Variants in GCC2 observed in about 807,000 individuals in gnomAD.
The protein encoded by GCC2 is GRIP and coiled-coil domain-containing protein 2.
In GCC2, 120 loss-of-function variants were observed where a neutral mutation model predicts 210.6. The ratio of observed to expected loss-of-function variants is 0.57; its 90% CI spans 0.49 to 0.66. The LOEUF is 0.66. Among genes scored for constraint, GCC2 ranks in the 30% least tolerant of loss-of-function variants. The probability of loss-of-function intolerance (pLI) is 0.00; values close to 1 mark genes in which losing one functional copy is unlikely to be tolerated. For synonymous variants in GCC2, 703 were observed against 652.7 expected, an observed-to-expected ratio of 1.08 and a Z score of -1.17; for missense variants, 1,868 against 1,871.9, an observed-to-expected ratio of 1.00 and a Z score of 0.04.
At chr2:108,465,022 G>C (rs992410506) in intron 4 of GCC2, among the ~76,000 whole-genome samples, 1 of 152,174 alleles carries the variant, frequency 6.6e-6, no homozygotes. Context: ...CTCAGAGTGA[G>C]AGCTCACTTT....
chr2:108,482,787 C>CT (rs1258272122), intron 11 of GCC2, among the ~76,000 whole-genome samples: 1 of 152,112 alleles, frequency 6.6e-6, no homozygotes, highest in Non-Finnish European at 1.5e-5. Flanking sequence ...TGCCATTCTC[C>CT]TGCCTCAGCC....
chr2:108,449,391 G>C, intron 1 of GCC2, 111 bp downstream of exon 1: 1 of 1,468,460 alleles, frequency 6.8e-7, no homozygotes, highest in Non-Finnish European at 9.1e-7. Context: ...GTGTCCCGAA[G>C]CCCGCGCTGC....
chr2:108,479,980 C>CAAAAAAAAAAAA (rs200934785), intron 9 of GCC2, among the ~76,000 whole-genome samples: 30 of 114,540 alleles, frequency 2.6e-4, no homozygotes, highest in African/African-American at 1.1e-3. Context: ...GACTCCATCT[C>CAAAAAAAAAAAA]AAAAAAAAAA....
In GCC2 at chr2:108,489,861, A is replaced by G; in HGVS notation, c.4076A>G (p.Asp1359Gly). 1.2e-6 allele frequency: 2 copies of G among 1,603,998 alleles called. No individual in the cohort carries two copies. Among genetic ancestry groups the G allele is most frequent in the Non-Finnish European group, 1.7e-6 (2 of 1,176,624 alleles). Residue 1359 changes from aspartate to glycine, a missense_variant, in exon 18 of 23, where the codon GAC becomes GGC. Transcript: ENST00000309863. ...QEREHLEMLI[D>G]QLKIKLQDSQ... Reference sequence around the variant, plus strand: ...AGGGAACATCTGGAAATGCTGATTGACCAGCTAAAAATCAAATTACAAGAT... The same window carrying G: ...AGGGAACATCTGGAAATGCTGATTGGCCAGCTAAAAATCAAATTACAAGAT...
Position 108,470,039 on chromosome 2 carries a change from T to C in GCC2, c.710T>C (p.Leu237Ser), listed in dbSNP as rs750335313. The C allele has an allele frequency of 1.9e-6, 3 of 1,613,134 alleles. No homozygotes were observed. Among genetic ancestry groups the C allele is most frequent in the Admixed American group, 1.7e-5 (1 of 59,882 alleles). The stretch of plus-strand genomic sequence containing the variant: ...CATTACCAAAAAAATATTAATAGTT[T>C]GCAGGAAGAGCTTTTACAGTTGAAA... ...SQHYQKNINS[L>S]QEELLQLKAI... The change falls in exon 6 of 23, where the codon TTG (leucine) becomes TCG (serine). Residue 237 changes from leucine (L) to serine (S), a missense_variant. Physicochemically the swap from Leu to Ser is moderately radical, Grantham distance 145. Around this residue, in one of 3 missense-constraint regions of GCC2, gnomAD observed 1,847 missense variants for 1,765.2 expected, o/e 1.05. Coordinates refer to ENST00000309863, the MANE Select transcript of GCC2 (RefSeq NM_181453.4).
intron 21 of GCC2, among the ~76,000 whole-genome samples, 163 bp downstream of exon 21, chr2:108,497,272 A>G (rs1324526417): frequency 1.3e-5 from 2 of 152,146 alleles, no homozygotes; most frequent in Non-Finnish European, 2.9e-5. Context: ...GCCCGCCAAC[A>G]TGCCTGGCTA....
chr2:108,461,836 C>CTTTT (rs1200531303), intron 4 of GCC2, among the ~76,000 whole-genome samples: 1 of 121,144 alleles, frequency 8.3e-6, no homozygotes, highest in Non-Finnish European at 1.7e-5. Context: ...TTTTCTTTTT[C>CTTTT]TTTTTTTTTT....
At chr2:108,457,590 C>T (rs993943660) in intron 4 of GCC2, among the ~76,000 whole-genome samples, 1 of 152,010 alleles carries the variant, frequency 6.6e-6, no homozygotes, top group African/African-American at 2.4e-5. Context: ...ATGATCATTT[C>T]AACAATATTT....
chr2:108,476,598 T>C (rs1681537922), intron 9 of GCC2, among the ~76,000 whole-genome samples: 1 of 152,220 alleles, frequency 6.6e-6, no homozygotes, highest in Middle Eastern at 3.4e-3. Flanking sequence ...TTAAAGTATG[T>C]TTACCTTAGT....
rs1013260347 is a variant in GCC2 at position 108,509,088 on chromosome 2, C to T, written c.*1458C>T. On this transcript the variant is annotated 3_prime_UTR_variant, in exon 23 of 23. Coordinates refer to ENST00000309863, the MANE Select transcript of GCC2 (RefSeq NM_181453.4). ...ACTAGTGAATGTATTAATGAAAATG[C>T]ATCTATTTCAGAGCTGACATGAAGA... 5 of 152,606 alleles carry T rather than the reference C, an allele frequency of 3.3e-5. No homozygotes were observed. Among genetic ancestry groups the T allele is most frequent in the Admixed American group, 6.5e-5 (1 of 15,282 alleles). The allele number at this position is 152,606 out of a possible 1,614,324, so 9.5% of individuals were successfully genotyped here.
chr2:108,480,933 G>C (rs1021782509), intron 9 of GCC2, among the ~76,000 whole-genome samples: 1 of 152,122 alleles, frequency 6.6e-6, no homozygotes, highest in Non-Finnish European at 1.5e-5. Flanking sequence ...ACACCATTTT[G>C]CTAGTAATTT....
At chr2:108,483,223 T>C in intron 12 of GCC2, 57 bp downstream of exon 12, 1 of 849,102 alleles carries the variant, frequency 1.2e-6, no homozygotes, top group South Asian at 1.4e-5. Flanking sequence ...TCTGTTTTGT[T>C]GTTCTGTTTG....
intron 4 of GCC2, among the ~76,000 whole-genome samples, chr2:108,455,780 C>T (rs1278518748): frequency 6.6e-6 from 1 of 152,142 alleles, no homozygotes; most frequent in African/African-American, 2.4e-5. Flanking sequence ...ATATAGTATT[C>T]CATTGTGTAT....
At chr2:108,461,836 CTTTT>C (rs1200531303) in intron 4 of GCC2, among the ~76,000 whole-genome samples, 2 of 121,144 alleles carry the variant, frequency 1.7e-5, no homozygotes, top group Admixed American at 8.4e-5. Flanking sequence ...TTTTCTTTTT[CTTTT>C]TTTTTTTTTT....
intron 18 of GCC2, among the ~76,000 whole-genome samples, chr2:108,490,490 A>T (rs1044233830): frequency 6.6e-6 from 1 of 152,252 alleles, no homozygotes; most frequent in Admixed American, 6.5e-5. Context: ...TATTGTGAAC[A>T]AGAAGTTTTC....
chr2:108,453,845 A>G (rs1342907704), intron 4 of GCC2, among the ~76,000 whole-genome samples: 3 of 151,608 alleles, frequency 2.0e-5, no homozygotes, highest in Non-Finnish European at 4.4e-5. Flanking sequence ...CACTCCCTTA[A>G]TGCTAACAAA....
Position 108,481,726 on chromosome 2 carries a change from A to G in GCC2, c.3090A>G (p.Ser1030=), listed in dbSNP as rs1276494505. ...TTTTATTAGAATATGAAAAGCAGTC[A>G]GAGCAACTGGATGTGGAAAAAGAAC... The part of the protein sequence containing the change: ...KNLLLEYEKQ[S]EQLDVEKERA... The change falls in exon 10 of 23, where the codon TCA becomes TCG. Residue 1030 remains serine, a synonymous_variant. Transcript: ENST00000309863. The G allele has an allele frequency of 2.5e-6, 4 of 1,600,516 alleles. No individual in the cohort carries two copies. The highest frequency in any genetic ancestry group is 2.2e-5 in the South Asian group (2 of 89,054).
rs925811579 is a variant in GCC2 at position 108,471,878 on chromosome 2, TAC to T, written c.2551_2552del (p.Gln851ValfsTer9). The T allele has an allele frequency of 1.9e-6, 3 of 1,609,524 alleles. No individual in the cohort carries two copies. Among genetic ancestry groups the T allele is most frequent in the African/African-American group, 1.3e-5 (1 of 74,574 alleles). On this transcript the variant is annotated frameshift_variant, in exon 6 of 23. Coordinates refer to ENST00000309863, the MANE Select transcript of GCC2 (RefSeq NM_181453.4). LOFTEE classifies it high-confidence loss of function. ...CTCTTAAGGAAAGAGTTAGAAGAAA[TAC>T]AGTCAGAAAAAGAGGCCCTGCAGTC...
At chr2:108,458,293 A>G (rs183768116) in intron 4 of GCC2, among the ~76,000 whole-genome samples, 14 of 148,360 alleles carry the variant, frequency 9.4e-5, no homozygotes, top group African/African-American at 3.2e-4. Flanking sequence ...TATCTTTTCA[A>G]TGTGCTGTTA....
Sources: allele counts gnomAD v4.1 joint callset (sites outside exome capture counted in the v4.1 genomes callset), GRCh38; gene constraint gnomAD v4.1.1; regional missense constraint gnomAD v4.1.1; transcripts MANE v1.5; gene names NCBI Gene and HGNC (gene_info 2026-07-23, HGNC 2026-07-21).